Variants in ABCB1 observed in about 807,000 individuals in gnomAD.
ABCB1 encodes the protein ATP binding cassette subfamily B member 1, also known as ATP-dependent translocase ABCB1.
ABCB1 carries 69 observed loss-of-function variants against 142.0 expected under a neutral mutation model. That is an observed-to-expected ratio of 0.49 (90% CI 0.40 to 0.59). The LOEUF (loss-of-function observed/expected upper bound fraction) is 0.59, where lower values mean the gene tolerates loss of function less well. ABCB1 is among the 20% of genes least tolerant of loss of function. ABCB1 has a pLI of 0.00. For missense variants in ABCB1, 1,326 were observed against 1,554.7 expected, an observed-to-expected ratio of 0.85 and a Z score of 2.47; for synonymous variants, 532 against 539.2, an observed-to-expected ratio of 0.99 and a Z score of 0.18.
At chr7:87,661,907 A>G (rs919595163) in intron 1 of ABCB1, among the ~76,000 whole-genome samples, 2 of 152,074 alleles carry the variant, frequency 1.3e-5, no homozygotes. Flanking sequence ...CACCCTCACC[A>G]GTATTCATTA....
Position 87,585,502 on chromosome 7 carries a change from C to A in ABCB1, c.286+10G>T, listed in dbSNP as rs567024914. 3.7e-6 allele frequency: 6 copies of A among 1,613,052 alleles called. No individual in the cohort carries two copies. The African/African-American group carries it at 8.0e-5, about 21-fold the overall frequency. ...GTTTCCAATAAAATTGGTACACAAACAATACTTACTTCTATTAGTGATGTT... is the reference window on the plus strand; with the variant it reads ...GTTTCCAATAAAATTGGTACACAAAAAATACTTACTTCTATTAGTGATGTT... On this transcript the variant is annotated intron_variant, in intron 4 of 27. Transcript: ENST00000622132.
intron 1 of ABCB1, among the ~76,000 whole-genome samples, chr7:87,677,964 G>A (rs1256230444): frequency 6.6e-6 from 1 of 152,172 alleles, no homozygotes; most frequent in Non-Finnish European, 1.5e-5. Flanking sequence ...CTTCAGAGAT[G>A]AGGACAAAAT....
chr7:87,509,911 G>C (rs935169089), intron 25 of ABCB1, among the ~76,000 whole-genome samples: 2 of 152,160 alleles, frequency 1.3e-5, no homozygotes, highest in African/African-American at 4.8e-5. Context: ...GAAGAAGAAG[G>C]AGGGAGAAGA....
chr7:87,647,953 G>A (rs937597120), intron 1 of ABCB1, among the ~76,000 whole-genome samples: 4 of 152,128 alleles, frequency 2.6e-5, no homozygotes, highest in East Asian at 3.9e-4. Context: ...GGGAGGCCAA[G>A]GCAGGTGGAT....
rs761372116 is a variant in ABCB1 at position 87,515,475 on chromosome 7, A to T, written c.3085-47T>A. On this transcript the variant is annotated intron_variant, in intron 24 of 27. Coordinates refer to ENST00000622132, the MANE Select transcript of ABCB1 (RefSeq NM_001348946.2). Reference sequence around the variant, plus strand: ...TAAATTTGAATGCTGCAATACTGAAAATAAAGTGTATAGCTAACTCTCTCG... The same window carrying T: ...TAAATTTGAATGCTGCAATACTGAATATAAAGTGTATAGCTAACTCTCTCG... 11 of 1,560,134 alleles carry T rather than the reference A, an allele frequency of 7.1e-6. 1 individual carries two copies. In the Admixed American group the frequency reaches 8.4e-5, roughly 12 times the overall value.
At position 87,625,794 on chromosome 7, in the gene ABCB1, G is replaced by A. The variant is rs185574517; in HGVS notation, c.-330-24716C>T. 1.2e-4 allele frequency among the ~76,000 whole-genome samples: 19 copies of A among 152,172 alleles called. 1 individual carries two copies. Among genetic ancestry groups the A allele is most frequent in the African/African-American group, 4.6e-4 (19 of 41,542 alleles). ...GCAGACACGTAATGTTCTGGAAGAAGTGCACTGACTAGTCACAAACATCCA... is the reference window on the plus strand; with the variant it reads ...GCAGACACGTAATGTTCTGGAAGAAATGCACTGACTAGTCACAAACATCCA... On this transcript the variant is annotated intron_variant, in intron 1 of 28. Coordinates refer to the ABCB1 transcript ENST00000265724.
chr7:87,653,389 A>G (rs1003661499), intron 1 of ABCB1, among the ~76,000 whole-genome samples: 7 of 152,128 alleles, frequency 4.6e-5, no homozygotes, highest in East Asian at 1.9e-4. Flanking sequence ...ATTGCAACCT[A>G]TTCAAAACTC....
chr7:87,639,423 C>T lies in ABCB1; in HGVS notation c.-330-38345G>A, dbSNP rs190518080. Among the ~76,000 whole-genome samples the T allele has an allele frequency of 2.0e-5, 3 of 152,100 alleles. No individual in the cohort carries two copies. The East Asian group carries it at 5.8e-4, about 29-fold the overall frequency. On this transcript the variant is annotated intron_variant, in intron 1 of 28. Transcript: ENST00000265724. ...TCAGTTAAGTCTAGTGTTTTAATTG[C>T]CTTGTTCATGTCCTCTGTATTCTTA...
intron 18 of ABCB1, among the ~76,000 whole-genome samples, chr7:87,540,060 C>T (rs1816465840): frequency 1.3e-5 from 2 of 152,198 alleles, no homozygotes; most frequent in Non-Finnish European, 2.9e-5. Flanking sequence ...GCTGTAAGTA[C>T]TCAGTAAAGA....
chr7:87,520,957 G>A (rs1815478177), intron 21 of ABCB1, 81 bp from the exon 22 acceptor site: 1 of 1,038,980 alleles, frequency 9.6e-7, no homozygotes, highest in Non-Finnish European at 1.5e-6. Flanking sequence ...ACAGACTAAT[G>A]AAAATAATTT....
In ABCB1 at chr7:87,542,221, G is replaced by C. The variant is rs562838308; in HGVS notation, c.2212-757C>G. Among the ~76,000 whole-genome samples the C allele has an allele frequency of 3.5e-4, 54 of 152,220 alleles. No homozygotes were observed. The South Asian group carries it at 6.2e-3, about 18-fold the overall frequency. On this transcript the variant is annotated intron_variant, in intron 17 of 27. Coordinates refer to ENST00000622132, the MANE Select transcript of ABCB1 (RefSeq NM_001348946.2). Reference sequence around the variant, plus strand: ...CAACAACAACAAGGATTTTTGAAGAGATTAAATAATTTTTTTTGACTAGTC... The same window carrying C: ...CAACAACAACAAGGATTTTTGAAGACATTAAATAATTTTTTTTGACTAGTC...
intron 1 of ABCB1, chr7:87,710,673 A>G (rs989533387): frequency 4.5e-6 from 6 of 1,332,782 alleles, no homozygotes; most frequent in South Asian, 1.3e-5. Context: ...AGTCCTTTTA[A>G]TTTTCTAATA....
At chr7:87,559,163 T>G (rs1036879958) in intron 8 of ABCB1, among the ~76,000 whole-genome samples, 10 of 152,078 alleles carry the variant, frequency 6.6e-5, no homozygotes, top group African/African-American at 2.2e-4. Flanking sequence ...TTTCTTGAAG[T>G]TGTGGTAGAA....
chr7:87,672,664 G>A (rs532232189), intron 1 of ABCB1, among the ~76,000 whole-genome samples: 1 of 152,292 alleles, frequency 6.6e-6, no homozygotes, highest in East Asian at 1.9e-4. Flanking sequence ...AAGACTCCAT[G>A]TAGCTCTGTC....
At chr7:87,564,281 G>A (rs4148734) in intron 7 of ABCB1, 79,141 of 320,988 alleles carry the variant, frequency 0.25, 11,284 homozygotes, top group Admixed American at 0.31. Context: ...TTCCAGGAGC[G>A]GTTTAATATT....
chr7:87,514,098 T>C (rs1459681409), intron 25 of ABCB1, among the ~76,000 whole-genome samples: 3 of 152,166 alleles, frequency 2.0e-5, no homozygotes, highest in African/African-American at 7.2e-5. Context: ...AACAAACATT[T>C]ATGAGTAAGA....
intron 3 of ABCB1, among the ~76,000 whole-genome samples, chr7:87,590,802 G>C (rs1203091411): frequency 1.3e-5 from 2 of 152,208 alleles, no homozygotes; most frequent in Non-Finnish European, 2.9e-5. Context: ...TAAGCAGAAA[G>C]GAAAGCATTT....
intron 4 of ABCB1, among the ~76,000 whole-genome samples, chr7:87,577,031 T>G (rs888801127): frequency 4.6e-5 from 7 of 152,176 alleles, no homozygotes; most frequent in African/African-American, 1.7e-4. Context: ...TATATATTTT[T>G]GTATCCTTTA....
chr7:87,702,493 T>C (rs1829179866), intron 1 of ABCB1, among the ~76,000 whole-genome samples: 1 of 152,124 alleles, frequency 6.6e-6, no homozygotes, highest in South Asian at 2.1e-4. Flanking sequence ...TTGCCCAGGC[T>C]AGTCTAGAAA....
Sources: allele counts gnomAD v4.1 joint callset (sites outside exome capture counted in the v4.1 genomes callset), GRCh38; gene constraint gnomAD v4.1.1; transcripts MANE v1.5; gene names NCBI Gene and HGNC (gene_info 2026-07-23, HGNC 2026-07-21).